Variants in HS2ST1 observed in about 807,000 individuals in gnomAD.
HS2ST1 encodes heparan sulfate 2-O-sulfotransferase 1, also known as 2-O-sulfotransferase.
In HS2ST1, 18 loss-of-function variants were observed where a neutral mutation model predicts 42.9. The ratio of observed to expected loss-of-function variants is 0.42; its 90% confidence interval spans 0.29 to 0.62. HS2ST1 has a LOEUF of 0.62. Among genes scored for constraint, HS2ST1 ranks in the 20% least tolerant of loss-of-function variants. HS2ST1 has a pLI of 0.21. For missense variants in HS2ST1, 334 were observed against 433.8 expected (o/e 0.77, Z 2.04); for synonymous variants, 146 against 152.9 (o/e 0.95, Z 0.33).
At chr1:86,999,958 A>T (rs1222560022) in intron 1 of HS2ST1, among the ~76,000 whole-genome samples, 1 of 152,226 alleles carries the variant, frequency 6.6e-6, no homozygotes, top group Non-Finnish European at 1.5e-5. Context: ...CCAAATGATT[A>T]GTTATGCCAA....
intron 2 of HS2ST1, among the ~76,000 whole-genome samples, chr1:87,083,857 C>CA (rs1651751742): frequency 1.3e-5 from 2 of 152,174 alleles, no homozygotes; most frequent in South Asian, 4.1e-4. Flanking sequence ...CCTGCTTTAG[C>CA]ATGTGTGTTG....
chr1:87,018,159 C>T (rs1432311927), intron 1 of HS2ST1, among the ~76,000 whole-genome samples: 2 of 147,926 alleles, frequency 1.4e-5, no homozygotes, highest in Non-Finnish European at 1.5e-5. Flanking sequence ...CACACACACA[C>T]ACACAGACAC....
intron 1 of HS2ST1, among the ~76,000 whole-genome samples, chr1:86,922,156 G>T (rs1660312426): frequency 7.0e-6 from 1 of 142,374 alleles, no homozygotes; most frequent in African/African-American, 2.9e-5. Flanking sequence ...TACTAGCAGT[G>T]CTCTTTGTTG....
intron 1 of HS2ST1, among the ~76,000 whole-genome samples, chr1:87,052,906 T>A (rs577801357): frequency 1.3e-5 from 2 of 152,296 alleles, no homozygotes; most frequent in South Asian, 4.1e-4. Context: ...GACCATCATA[T>A]CAGCATTGGG....
At chr1:87,099,441 C>T (rs946690450) in intron 5 of HS2ST1, among the ~76,000 whole-genome samples, 8 of 152,152 alleles carry the variant, frequency 5.3e-5, no homozygotes, top group Non-Finnish European at 1.2e-4. Flanking sequence ...CCAGATCTTA[C>T]GTGAACTGAG....
intron 1 of HS2ST1, among the ~76,000 whole-genome samples, chr1:87,007,976 T>G (rs1008879039): frequency 5.3e-5 from 8 of 152,136 alleles, no homozygotes; most frequent in African/African-American, 1.9e-4. Context: ...TTTTAAAAAA[T>G]TTTATTTGTA....
chr1:86,941,372 G>C (rs1233359283), intron 1 of HS2ST1, among the ~76,000 whole-genome samples: 2 of 152,008 alleles, frequency 1.3e-5, no homozygotes, highest in African/African-American at 4.8e-5. Flanking sequence ...GCCAGGTTGA[G>C]AGACAAAGCA....
intron 1 of HS2ST1, among the ~76,000 whole-genome samples, chr1:86,941,981 C>G (rs1232476267): frequency 6.6e-6 from 1 of 152,122 alleles, no homozygotes; most frequent in Non-Finnish European, 1.5e-5. Flanking sequence ...AAGCTTAATA[C>G]TGTACTTAGA....
intron 1 of HS2ST1, chr1:87,064,583 C>G (rs1005147221): frequency 3.3e-5 from 17 of 512,676 alleles, no homozygotes; most frequent in Non-Finnish European, 5.8e-5. Flanking sequence ...TGTCAGTGTT[C>G]AGAATCTCTC....
chr1:87,041,799 G>C (rs1650531508), intron 1 of HS2ST1, among the ~76,000 whole-genome samples: 1 of 152,072 alleles, frequency 6.6e-6, no homozygotes, highest in Non-Finnish European at 1.5e-5. Context: ...ATATTTTACT[G>C]TGTGTATATC....
chr1:86,941,475 T>TA (rs371974532), intron 1 of HS2ST1, among the ~76,000 whole-genome samples: 2,413 of 149,874 alleles, frequency 0.016, 66 homozygotes, highest in African/African-American at 0.056. Flanking sequence ...TCTACATTTA[T>TA]AAAAAAAAAA....
chr1:87,103,937 T>C (rs1025262306), intron 6 of HS2ST1, among the ~76,000 whole-genome samples: 13 of 152,212 alleles, frequency 8.5e-5, no homozygotes, highest in African/African-American at 3.1e-4. Context: ...GCCTAAGCCA[T>C]GTTTTAGCAG....
At chr1:87,098,965 A>G (rs1652135397) in intron 5 of HS2ST1, among the ~76,000 whole-genome samples, 1 of 152,078 alleles carries the variant, frequency 6.6e-6, no homozygotes, top group African/African-American at 2.4e-5. Context: ...TTTAGTAGAG[A>G]TGGGGTTTCA....
chr1:87,102,600 A>G (rs1652239626), intron 5 of HS2ST1, among the ~76,000 whole-genome samples: 1 of 152,216 alleles, frequency 6.6e-6, no homozygotes, highest in African/African-American at 2.4e-5. Context: ...GGCCTTTTAT[A>G]TAAAAAGTTT....
In HS2ST1 at chr1:87,046,640, T is replaced by C; in HGVS notation, c.125-26294T>C. The C allele has an allele frequency of 2.6e-6, 4 of 1,547,288 alleles. No homozygotes were observed. The African/African-American group carries it at 4.2e-5, about 16-fold the overall frequency. On this transcript the variant is annotated intron_variant, in intron 1 of 6. Coordinates refer to ENST00000370550, the MANE Select transcript of HS2ST1 (RefSeq NM_012262.4). The stretch of plus-strand genomic sequence containing the variant: ...AAGTCAAGGAGAAGAAACGAATGCA[T>C]CAGATCAACAGAATGAACCCCAGTT...
Position 87,044,875 on chromosome 1 carries a change from G to A in HS2ST1, c.125-28059G>A. 3 of 1,101,806 alleles carry A rather than the reference G, an allele frequency of 2.7e-6. No individual in the cohort carries two copies. In the Middle Eastern group the frequency reaches 6.2e-4, roughly 228 times the overall value. The allele number at this position is 1,101,806 out of a possible 1,614,324, so 68.3% of individuals were successfully genotyped here. A position where few individuals can be genotyped will look rare whatever the true frequency, so the allele number is the denominator to read the frequency against. The stretch of plus-strand genomic sequence containing the variant: ...GAACAAAGGACATAACAAATAATCT[G>A]GTTCTGCCTAGATAAACTAAGTAGT... On this transcript the variant is annotated intron_variant, in intron 1 of 6. Transcript: ENST00000370550.
At position 86,966,762 on chromosome 1, in the gene HS2ST1, A is replaced by G. The variant is rs140543076; in HGVS notation, c.124+51602A>G. Among the ~76,000 whole-genome samples the G allele has an allele frequency of 2.6e-5, 4 of 152,232 alleles. No homozygotes were observed. The East Asian group carries it at 7.7e-4, about 29-fold the overall frequency. ...TGCCCAATTTATCATCTTTTTAATA[A>G]TGCTTTTTGTTTGTTAATTATTTTG... On this transcript the variant is annotated intron_variant, in intron 1 of 6. Transcript: ENST00000370550.
chr1:86,915,829 C>T (rs1371157681), intron 1 of HS2ST1, among the ~76,000 whole-genome samples: 4 of 152,106 alleles, frequency 2.6e-5, no homozygotes. Context: ...TCTTTAGTGG[C>T]GCTAAACTGA....
intron 1 of HS2ST1, among the ~76,000 whole-genome samples, chr1:86,976,890 G>GT (rs2102216062): frequency 6.6e-6 from 1 of 151,414 alleles, no homozygotes; most frequent in South Asian, 2.1e-4. Flanking sequence ...GGGCAGCATA[G>GT]TGAGACTCTG....
Sources: allele counts gnomAD v4.1 joint callset (sites outside exome capture counted in the v4.1 genomes callset), GRCh38; gene constraint gnomAD v4.1.1; transcripts MANE v1.5; gene names NCBI Gene and HGNC (gene_info 2026-07-23, HGNC 2026-07-21).